Variants in PAN3 observed in about 807,000 individuals in gnomAD.
The protein encoded by PAN3 is poly(A) specific ribonuclease subunit PAN3, also known as PAN2-PAN3 deadenylation complex subunit PAN3.
In PAN3, 19 loss-of-function variants were observed where a neutral mutation model predicts 96.2. The observed-to-expected ratio is 0.20, with a 90% CI of 0.14 to 0.29. The LOEUF is 0.29. Ranked by LOEUF, PAN3 falls within the 10% of genes least tolerant of loss-of-function variation. The pLI is 1.00. For synonymous variants in PAN3, 433 were observed against 406.6 expected, an observed-to-expected ratio of 1.06 and a Z score of -0.78; for missense variants, 882 against 1,108.1, an observed-to-expected ratio of 0.80 and a Z score of 2.90.
chr13:28,276,345 T>C (rs1427468762), intron 14 of PAN3, among the ~76,000 whole-genome samples: 4 of 152,246 alleles, frequency 2.6e-5, no homozygotes, highest in Non-Finnish European at 5.9e-5. Context: ...ATGTCTGTTG[T>C]AGAAATTGCT....
At chr13:28,283,443 CTCTT>C (rs1361048524) in intron 17 of PAN3, among the ~76,000 whole-genome samples, 1 of 152,168 alleles carries the variant, frequency 6.6e-6, no homozygotes, top group Non-Finnish European at 1.5e-5. Context: ...GTAAAAGTCT[CTCTT>C]TCATACCTGA....
intron 1 of PAN3, among the ~76,000 whole-genome samples, chr13:28,161,087 C>T (rs185279098): frequency 7.9e-5 from 12 of 152,188 alleles, no homozygotes; most frequent in Non-Finnish European, 1.8e-4. Context: ...TTTATCTTGT[C>T]TGTTTCAAAA....
chr13:28,181,187 T>C (rs140464304), intron 4 of PAN3, among the ~76,000 whole-genome samples: 43 of 152,240 alleles, frequency 2.8e-4, no homozygotes, highest in African/African-American at 7.5e-4. Flanking sequence ...TTAGTATCTT[T>C]AGGAACTTCA....
At chr13:28,268,359 C>G (rs1242185264) in intron 12 of PAN3, among the ~76,000 whole-genome samples, 1 of 152,070 alleles carries the variant, frequency 6.6e-6, no homozygotes, top group African/African-American at 2.4e-5. Flanking sequence ...TTTCCCTAAA[C>G]AAATGCTTTT....
chr13:28,235,682 T>TACACACACATACACACAC (rs1555285729), intron 6 of PAN3, among the ~76,000 whole-genome samples: 4 of 123,392 alleles, frequency 3.2e-5, no homozygotes, highest in African/African-American at 1.0e-4. Context: ...TTCTCTAATA[T>TACACACACATACACACAC]ACACACACAC....
At chr13:28,226,555 G>C (rs1436597732) in intron 6 of PAN3, among the ~76,000 whole-genome samples, 2 of 152,108 alleles carry the variant, frequency 1.3e-5, no homozygotes, top group African/African-American at 2.4e-5. Context: ...TATAAATGGT[G>C]TTTAATAAAT....
chr13:28,184,672 A>G (rs7322367), intron 4 of PAN3, among the ~76,000 whole-genome samples: 344 of 152,302 alleles, frequency 2.3e-3, no homozygotes, highest in Middle Eastern at 0.01. Flanking sequence ...TGGTTTTTCT[A>G]CAGTCTTGAA....
At chr13:28,204,992 G>A (rs1879179839) in intron 5 of PAN3, among the ~76,000 whole-genome samples, 1 of 151,856 alleles carries the variant, frequency 6.6e-6, no homozygotes, top group Non-Finnish European at 1.5e-5. Context: ...CTGATTAAAT[G>A]GCATTTTTTG....
At chr13:28,203,789 GCTTTTCTTTTTT>G (rs1475009957) in intron 5 of PAN3, among the ~76,000 whole-genome samples, 1 of 150,666 alleles carries the variant, frequency 6.6e-6, no homozygotes, top group African/African-American at 2.4e-5. Context: ...AAGCGTCTCT[GCTTTTCTTTTTT>G]CTTTTCTTTT....
chr13:28,157,051 CCT>C (rs1491307058), intron 1 of PAN3, among the ~76,000 whole-genome samples: 1 of 151,184 alleles, frequency 6.6e-6, no homozygotes, highest in Non-Finnish European at 1.5e-5. Context: ...AGGCTTTACC[CCT>C]GAGTTGCAAG....
At chr13:28,216,291 A>C (rs1436303847) in intron 5 of PAN3, among the ~76,000 whole-genome samples, 1 of 152,080 alleles carries the variant, frequency 6.6e-6, no homozygotes, top group East Asian at 1.9e-4. Flanking sequence ...TAGTGACAGA[A>C]AGTCTCAGTG....
At chr13:28,269,456 T>A (rs553585207) in intron 12 of PAN3, among the ~76,000 whole-genome samples, 3 of 151,826 alleles carry the variant, frequency 2.0e-5, no homozygotes, top group African/African-American at 7.3e-5. Context: ...TTTATTATCT[T>A]AGCACAAGTG....
At chr13:28,207,896 G>A (rs928654991) in intron 5 of PAN3, among the ~76,000 whole-genome samples, 2 of 152,174 alleles carry the variant, frequency 1.3e-5, no homozygotes, top group East Asian at 1.9e-4. Flanking sequence ...AGAACACAGT[G>A]TCTATGTTTT....
chr13:28,287,371 G>C (rs45561942), intron 17 of PAN3, among the ~76,000 whole-genome samples: 1 of 152,176 alleles, frequency 6.6e-6, no homozygotes, highest in Non-Finnish European at 1.5e-5. Context: ...AGCCAGGCGC[G>C]GCCCTAGATA....
upstream of PAN3, chr13:28,138,196 C>T (rs1869024743): frequency 6.6e-6 from 1 of 152,252 alleles, no homozygotes. Context: ...CGCGCACGCG[C>T]AGCGGCGACG....
Position 28,184,226 on chromosome 13 carries a change from A to G in PAN3, c.690+6291A>G, listed in dbSNP as rs1004464835. ...AAACTTGATTTTATTTATATGAATG[A>G]TGATTTTCCGTATTTGTTCCAGATA... On this transcript the variant is annotated intron_variant, in intron 4 of 18. Transcript: ENST00000380958. 7.2e-5 allele frequency among the ~76,000 whole-genome samples: 11 copies of G among 152,274 alleles called. No individual in the cohort carries two copies. The East Asian group carries it at 1.9e-3, about 27-fold the overall frequency.
In PAN3 at chr13:28,267,129, G is replaced by A. The variant is rs765999940; in HGVS notation, c.1608G>A (p.Leu536=). The change falls in exon 11 of 19, where the codon TTG becomes TTA. Residue 536 remains leucine, a synonymous_variant. Transcript: ENST00000380958. ...FRLVNTKCMV[L]VDMWKKIQHS... is the part of the protein sequence containing the mutation. ...TTGTTAACACAAAGTGCATGGTGTTGGTCGACATGTGGAAGAAAATTCAAC... is the reference window on the plus strand; with the variant it reads ...TTGTTAACACAAAGTGCATGGTGTTAGTCGACATGTGGAAGAAAATTCAAC... The A allele has an allele frequency of 4.3e-6, 7 of 1,612,706 alleles. No individual in the cohort carries two copies. In the South Asian group the frequency reaches 7.7e-5, roughly 18 times the overall value.
intron 17 of PAN3, among the ~76,000 whole-genome samples, chr13:28,284,465 T>C (rs749579483): frequency 6.6e-5 from 10 of 152,112 alleles, no homozygotes; most frequent in Non-Finnish European, 1.2e-4. Flanking sequence ...CTTCTTTGCT[T>C]CTGGATTTTG....
intron 1 of PAN3, among the ~76,000 whole-genome samples, chr13:28,147,177 AC>A (rs1870770086): frequency 6.6e-6 from 1 of 152,226 alleles, no homozygotes; most frequent in South Asian, 2.1e-4. Context: ...GCGGTTTCTT[AC>A]AAAATAAAAC....
Sources: gnomAD v4.1 joint callset for allele counts (sites outside exome capture counted in the v4.1 genomes callset) on GRCh38, gnomAD v4.1.1 for gene constraint, MANE v1.5 for transcripts, NCBI Gene and HGNC (gene_info 2026-07-23, HGNC 2026-07-21) for gene names.